Variants in PPP6R3 observed in about 807,000 individuals in gnomAD.
PPP6R3 encodes the protein protein phosphatase 6 regulatory subunit 3.
Under a neutral mutation model 110.7 loss-of-function variants are expected in PPP6R3, and 38 were observed. The ratio of observed to expected loss-of-function variants is 0.34; its 90% CI spans 0.26 to 0.45. PPP6R3 has a LOEUF of 0.45. PPP6R3 is among the 20% of genes least tolerant of loss of function. The probability of loss-of-function intolerance (pLI) is 1.00; values close to 1 mark genes in which losing one functional copy is unlikely to be tolerated. For synonymous variants in PPP6R3, 369 were observed against 373.5 expected, an observed-to-expected ratio of 0.99 and a Z score of 0.14; for missense variants, 870 against 1,062.4, an observed-to-expected ratio of 0.82 and a Z score of 2.52.
intron 1 of PPP6R3, among the ~76,000 whole-genome samples, chr11:68,472,217 T>C (rs1490238849): frequency 1.3e-5 from 2 of 152,062 alleles, no homozygotes; most frequent in African/African-American, 2.4e-5. Context: ...TGGTGGGACG[T>C]GGTGGTAAAG....
At chr11:68,504,666 G>A (rs2099066264) in intron 1 of PPP6R3, among the ~76,000 whole-genome samples, 1 of 152,202 alleles carries the variant, frequency 6.6e-6, no homozygotes, top group Admixed American at 6.5e-5. Context: ...TGAGAGCCCT[G>A]AAAGCAGCAA....
intron 1 of PPP6R3, among the ~76,000 whole-genome samples, chr11:68,484,000 C>T (rs1327513475): frequency 1.3e-5 from 2 of 152,212 alleles, no homozygotes; most frequent in Non-Finnish European, 2.9e-5. Flanking sequence ...TGGCTTCTTT[C>T]ACGTAATAAT....
chr11:68,607,791 T>A (rs74892150), intron 22 of PPP6R3, among the ~76,000 whole-genome samples: 15 of 151,944 alleles, frequency 9.9e-5, no homozygotes, highest in Non-Finnish European at 2.9e-5. Context: ...TTTTTTTTTT[T>A]AACACGAGGT....
chr11:68,605,000 A>G lies in PPP6R3; in HGVS notation c.2450+1508A>G, dbSNP rs564980427. On this transcript the variant is annotated intron_variant, in intron 22 of 23. Transcript: ENST00000393800. Reference sequence around the variant, plus strand: ...AAGAGAGCCAGGAATAGCCAAAAACATTTTAAAGAAAAAAGTGAGGGGCTT... The same window carrying G: ...AAGAGAGCCAGGAATAGCCAAAAACGTTTTAAAGAAAAAAGTGAGGGGCTT... Among the ~76,000 whole-genome samples, 17 of 152,342 alleles carry G rather than the reference A, an allele frequency of 1.1e-4. No homozygotes were observed. The South Asian group carries it at 1.9e-3, about 17-fold the overall frequency.
chr11:68,594,370 A>C (rs2099606756), intron 18 of PPP6R3, among the ~76,000 whole-genome samples: 1 of 145,260 alleles, frequency 6.9e-6, no homozygotes, highest in African/African-American at 2.7e-5. Context: ...GAGTGAGTTA[A>C]ATATGACTGG....
In PPP6R3 at chr11:68,601,876, T is replaced by C; in HGVS notation, c.2206T>C (p.Leu736=). The C allele has an allele frequency of 6.2e-7, 1 of 1,613,144 alleles. No individual in the cohort carries two copies. Residue 736 remains leucine, a synonymous_variant, in exon 21 of 24, where the codon TTA becomes CTA. Transcript: ENST00000393800. ...CTTTTTTGAAAGCACAAAAGATTCT[T>C]TAAGGAGTAATTCTCCAGTGGAAAT... ...FTSSLSTKDS[L]RSNSPVEMET...
chr11:68,542,439 G>C (rs1177674520), intron 3 of PPP6R3, among the ~76,000 whole-genome samples: 1 of 118,626 alleles, frequency 8.4e-6, no homozygotes, highest in Non-Finnish European at 1.6e-5. Flanking sequence ...TGTCATCCAG[G>C]CTGGAGTGCA....
chr11:68,567,927 C>T (rs1306285957), intron 10 of PPP6R3, among the ~76,000 whole-genome samples: 1 of 151,924 alleles, frequency 6.6e-6, no homozygotes, highest in Admixed American at 6.6e-5. Context: ...ATCTCCAGGA[C>T]CCTCGGGTGA....
At chr11:68,490,034 T>A (rs2098973985) in intron 1 of PPP6R3, among the ~76,000 whole-genome samples, 1 of 152,090 alleles carries the variant, frequency 6.6e-6, no homozygotes, top group African/African-American at 2.4e-5. Flanking sequence ...GAAAAATCAA[T>A]TTTTTTTGAA....
intron 8 of PPP6R3, among the ~76,000 whole-genome samples, chr11:68,559,842 C>T (rs941194084): frequency 1.9e-4 from 27 of 142,816 alleles, no homozygotes; most frequent in African/African-American, 6.0e-4. Flanking sequence ...CGGTACGGTG[C>T]CCTCTTCCCA....
At chr11:68,506,262 C>A (rs566112794) in intron 1 of PPP6R3, among the ~76,000 whole-genome samples, 2 of 150,924 alleles carry the variant, frequency 1.3e-5, no homozygotes, top group South Asian at 2.1e-4. Flanking sequence ...TGCACCACCA[C>A]GCCTGGCTAA....
intron 1 of PPP6R3, among the ~76,000 whole-genome samples, chr11:68,472,508 A>G (rs2098799212): frequency 6.6e-6 from 1 of 151,890 alleles, no homozygotes; most frequent in African/African-American, 2.4e-5. Context: ...TTCCAAAATG[A>G]TTGTACCTCT....
chr11:68,497,594 G>T (rs1370229374), intron 1 of PPP6R3, among the ~76,000 whole-genome samples: 1 of 150,460 alleles, frequency 6.6e-6, no homozygotes. Flanking sequence ...GGCTCAAATG[G>T]TCTGCCTGCC....
At chr11:68,543,616 C>G (rs2153670072) in intron 3 of PPP6R3, among the ~76,000 whole-genome samples, 1 of 152,292 alleles carries the variant, frequency 6.6e-6, no homozygotes, top group South Asian at 2.1e-4. Flanking sequence ...CCCTCCTGCC[C>G]CAGTCTTCCC....
intron 11 of PPP6R3, among the ~76,000 whole-genome samples, chr11:68,570,567 T>C (rs902503735): frequency 6.6e-6 from 1 of 152,236 alleles, no homozygotes; most frequent in Non-Finnish European, 1.5e-5. Flanking sequence ...TTGCAGACTT[T>C]GGGCAAAACC....
intron 9 of PPP6R3, among the ~76,000 whole-genome samples, chr11:68,565,017 C>T (rs544521859): frequency 2.6e-5 from 4 of 152,180 alleles, no homozygotes; most frequent in African/African-American, 9.6e-5. Flanking sequence ...GGGTGATAAT[C>T]ACTTGCTTTT....
At position 68,558,678 on chromosome 11, in the gene PPP6R3, A is replaced by G. The variant is rs568383369; in HGVS notation, c.844A>G (p.Thr282Ala). Reference protein sequence around the residue: ...LLTLLETRRPTFEGHIEICPP... With the variant: ...LLTLLETRRPAFEGHIEICPP... Reference sequence around the variant, plus strand: ...GACTTTACTTGAGACACGACGACCAACGTAAGCTTTTCTTATATCTTACAA... The same window carrying G: ...GACTTTACTTGAGACACGACGACCAGCGTAAGCTTTTCTTATATCTTACAA... The change falls in exon 8 of 24, where the codon ACA (threonine) becomes GCA (alanine). Residue 282 changes from threonine to alanine, a missense_variant and splice_region_variant. Transcript: ENST00000393800. 14 of 1,599,936 alleles carry G rather than the reference A, an allele frequency of 8.8e-6. No individual in the cohort carries two copies. The highest frequency in any genetic ancestry group is 3.4e-5 in the Admixed American group (2 of 59,108).
intron 1 of PPP6R3, among the ~76,000 whole-genome samples, chr11:68,506,210 A>G (rs901249956): frequency 1.3e-5 from 2 of 150,988 alleles, no homozygotes; most frequent in Admixed American, 6.6e-5. Flanking sequence ...TGCTCAAGCA[A>G]TTTTCTTACC....
chr11:68,509,893 G>C (rs2099099796), intron 1 of PPP6R3, among the ~76,000 whole-genome samples: 1 of 151,316 alleles, frequency 6.6e-6, no homozygotes, highest in Admixed American at 6.6e-5. Flanking sequence ...GGGATTACAG[G>C]TGCCTGCCAC....
Sources: allele counts gnomAD v4.1 joint callset (sites outside exome capture counted in the v4.1 genomes callset), GRCh38; gene constraint gnomAD v4.1.1; transcripts MANE v1.5; gene names NCBI Gene and HGNC (gene_info 2026-07-23, HGNC 2026-07-21).